Variants in NRG3 observed in about 807,000 individuals in gnomAD.
NRG3 encodes pro-neuregulin-3, membrane-bound isoform.
Under a neutral mutation model 66.9 loss-of-function variants are expected in NRG3, and 31 were observed. The observed-to-expected ratio is 0.46, with a 90% CI of 0.35 to 0.63. NRG3 has a LOEUF of 0.63. Ranked by LOEUF, NRG3 falls within the 20% of genes least tolerant of loss-of-function variation. The pLI is 0.00. For missense variants in NRG3, 910 were observed against 878.9 expected (o/e 1.04, Z -0.45); for synonymous variants, 393 against 359.4 (o/e 1.09, Z -1.06).
chr10:82,185,020 T>C (rs1044800318), intron 1 of NRG3, among the ~76,000 whole-genome samples: 6 of 152,162 alleles, frequency 3.9e-5, no homozygotes, highest in Admixed American at 6.5e-5. Flanking sequence ...CAACTACATC[T>C]TGAGTCTATT....
intron 6 of NRG3, among the ~76,000 whole-genome samples, chr10:82,961,842 T>C (rs1850676093): frequency 6.6e-6 from 1 of 152,188 alleles, no homozygotes; most frequent in South Asian, 2.1e-4. Flanking sequence ...ATTTCCACTT[T>C]ACAGAGGGTG....
intron 2 of NRG3, among the ~76,000 whole-genome samples, chr10:82,720,922 C>A (rs1267289502): frequency 6.7e-6 from 1 of 148,332 alleles, no homozygotes; most frequent in Non-Finnish European, 1.5e-5. Flanking sequence ...GTTCAAGTCA[C>A]TGCTCATCTC....
intron 1 of NRG3, among the ~76,000 whole-genome samples, chr10:82,136,634 A>G (rs1288935507): frequency 6.6e-6 from 1 of 152,114 alleles, no homozygotes; most frequent in East Asian, 1.9e-4. Context: ...TTACACCAGA[A>G]GCCAGTACTG....
intron 1 of NRG3, among the ~76,000 whole-genome samples, chr10:82,132,462 A>G (rs141160525): frequency 0.015 from 1,836 of 124,376 alleles, 99 homozygotes; most frequent in African/African-American, 0.061. Flanking sequence ...TATATATGAT[A>G]TATATGATAT....
chr10:82,204,430 C>A (rs963868901), intron 1 of NRG3, among the ~76,000 whole-genome samples: 1 of 152,190 alleles, frequency 6.6e-6, no homozygotes, highest in Non-Finnish European at 1.5e-5. Context: ...TGATTTGGCT[C>A]AGTCAGTGGA....
At position 82,362,546 on chromosome 10, in the gene NRG3, G is replaced by GTTTTTTTTTT. The variant is rs1564840125; in HGVS notation, c.953+3678_953+3679insTTTTTTTTTT. Among the ~76,000 whole-genome samples, 86 of 91,336 alleles carry GTTTTTTTTTT rather than the reference G, an allele frequency of 9.4e-4. 4 individuals carry two copies. The highest frequency in any genetic ancestry group is 3.3e-3 in the African/African-American group (85 of 25,662). The allele number at this position is 91,336 out of a possible 152,430, so 59.9% of individuals were successfully genotyped here. A position where few individuals can be genotyped will look rare whatever the true frequency, so the allele number is the denominator to read the frequency against. Reference sequence around the variant, plus strand: ...TCACCACCATGCCCAGATAATTTCTGGGTTTTTTTTTTTTTTTTTTTTTCG... The same window carrying GTTTTTTTTTT: ...TCACCACCATGCCCAGATAATTTCTGTTTTTTTTTTGGTTTTTTTTTTTTTTTTTTTTTCG... On this transcript the variant is annotated intron_variant, in intron 2 of 8. Transcript: ENST00000372141.
chr10:82,594,356 C>T (rs573050589), intron 2 of NRG3, among the ~76,000 whole-genome samples: 1 of 152,208 alleles, frequency 6.6e-6, no homozygotes, highest in Non-Finnish European at 1.5e-5. Context: ...TAAAGAATAT[C>T]ATGGTAATAA....
intron 4 of NRG3, among the ~76,000 whole-genome samples, chr10:82,941,395 A>G (rs1429382140): frequency 1.3e-5 from 2 of 152,244 alleles, no homozygotes; most frequent in Non-Finnish European, 2.9e-5. Flanking sequence ...CAAGTTAAAA[A>G]AAGCATATCC....
At chr10:82,866,846 A>G (rs1478297591) in intron 4 of NRG3, among the ~76,000 whole-genome samples, 1 of 152,170 alleles carries the variant, frequency 6.6e-6, no homozygotes, top group Non-Finnish European at 1.5e-5. Context: ...CTATGAGTGT[A>G]AATAACCAAA....
At chr10:82,655,467 AACATAATTAG>A (rs540195993) in intron 2 of NRG3, among the ~76,000 whole-genome samples, 1 of 152,180 alleles carries the variant, frequency 6.6e-6, no homozygotes, top group Non-Finnish European at 1.5e-5. Flanking sequence ...GTGGAACATT[AACATAATTAG>A]ACATGAATTT....
At chr10:82,019,307 GC>G (rs2132723687) in intron 1 of NRG3, among the ~76,000 whole-genome samples, 1 of 152,246 alleles carries the variant, frequency 6.6e-6, no homozygotes, top group African/African-American at 2.4e-5. Context: ...TGGTGGATAA[GC>G]TTTTTGATGT....
At position 82,858,592 on chromosome 10, in the gene NRG3, T is replaced by A. The variant is rs140638216; in HGVS notation, c.1028-6819T>A. ...ACCTATTTGCTCTTCTCAGTTGCAA[T>A]GGACTACCTCTACCTGGAGTGTCAC... On this transcript the variant is annotated intron_variant, in intron 3 of 8. Transcript: ENST00000372141. Among the ~76,000 whole-genome samples, 368 of 152,336 alleles carry A rather than the reference T, an allele frequency of 2.4e-3. 5 individuals are homozygous for A. The highest frequency in any genetic ancestry group is 8.2e-3 in the African/African-American group (342 of 41,588).
chr10:82,764,694 A>T (rs559406886), intron 3 of NRG3, among the ~76,000 whole-genome samples: 3 of 152,082 alleles, frequency 2.0e-5, no homozygotes, highest in South Asian at 2.1e-4. Flanking sequence ...AAAAATTTTT[A>T]AAAAAGATAA....
At chr10:82,591,111 TG>T (rs1410638786) in intron 2 of NRG3, among the ~76,000 whole-genome samples, 1 of 152,138 alleles carries the variant, frequency 6.6e-6, no homozygotes, top group Non-Finnish European at 1.5e-5. Context: ...TTTTCACTAG[TG>T]GGAAAGGGTT....
intron 3 of NRG3, among the ~76,000 whole-genome samples, chr10:82,796,898 G>T (rs950972131): frequency 6.6e-6 from 1 of 151,938 alleles, no homozygotes; most frequent in Non-Finnish European, 1.5e-5. Context: ...GAATGATGCA[G>T]ACAAGGAAAT....
intron 6 of NRG3, among the ~76,000 whole-genome samples, chr10:82,973,467 A>G (rs1851954088): frequency 1.3e-5 from 2 of 152,180 alleles, no homozygotes; most frequent in African/African-American, 4.8e-5. Context: ...ATCAACTAAA[A>G]CATACTTGTA....
chr10:81,904,005 T>G (rs10640816), intron 1 of NRG3, among the ~76,000 whole-genome samples: 30,831 of 146,878 alleles, frequency 0.21, 3,684 homozygotes, highest in East Asian at 0.35. Context: ...TATTTTTTTT[T>G]TTTGTTTGTT....
chr10:81,910,185 C>T (rs571995044), intron 1 of NRG3, among the ~76,000 whole-genome samples: 20 of 151,930 alleles, frequency 1.3e-4, no homozygotes, highest in African/African-American at 4.6e-4. Context: ...CTACTCTTTC[C>T]TTTCACATAA....
chr10:82,534,573 T>A (rs969746955), intron 2 of NRG3, among the ~76,000 whole-genome samples: 6 of 151,812 alleles, frequency 4.0e-5, no homozygotes, highest in Admixed American at 3.9e-4. Context: ...CCAGAAAAAA[T>A]TTTAAAATGC....
Sources: gnomAD v4.1 joint callset for allele counts (sites outside exome capture counted in the v4.1 genomes callset) on GRCh38, gnomAD v4.1.1 for gene constraint, MANE v1.5 for transcripts, NCBI Gene and HGNC (gene_info 2026-07-23, HGNC 2026-07-21) for gene names.